Variants in SPEF2 observed in about 807,000 individuals in gnomAD.
SPEF2 encodes sperm flagellar and cilia associated 2, also known as sperm flagella and cilia-associated protein 2.
A neutral mutation model predicts 224.6 loss-of-function variants in SPEF2; 187 were observed. The observed-to-expected ratio is 0.83, with a 90% CI of 0.74 to 0.94. The LOEUF (loss-of-function observed/expected upper bound fraction) is 0.94. Among genes scored for constraint, SPEF2 ranks in the 40% least tolerant of loss-of-function variants. The pLI is 0.00. For synonymous variants in SPEF2, 715 were observed against 707.3 expected (o/e 1.01, Z -0.17); for missense variants, 2,170 against 2,135.6 (o/e 1.02, Z -0.32).
chr5:35,699,421 A>C (rs1738094757), intron 15 of SPEF2: 1 of 152,238 alleles, frequency 6.6e-6, no homozygotes, highest in Middle Eastern at 3.2e-3. Flanking sequence ...TCTAAAGAGG[A>C]CACTGTGCTG....
At chr5:35,749,850 C>T (rs1749128855) in intron 23 of SPEF2, among the ~76,000 whole-genome samples, 2 of 152,058 alleles carry the variant, frequency 1.3e-5, no homozygotes, top group African/African-American at 2.4e-5. Flanking sequence ...TTATAAAAAA[C>T]AATTCTAAAA....
rs143570295 is a variant in SPEF2, at chr5:35,631,178, A to G, written c.161+2616A>G. On this transcript the variant is annotated intron_variant, in intron 2 of 36. Coordinates refer to ENST00000356031, the MANE Select transcript of SPEF2 (RefSeq NM_024867.4). ...ACATCTTACATTGATGGTAGCAGGC[A>G]AAGAGAGAGGTTGTGCAGAGAAGCT... 4.5e-3 allele frequency among the ~76,000 whole-genome samples: 686 copies of G among 152,288 alleles called. 7 individuals are homozygous for G. Among genetic ancestry groups the G allele is most frequent in the African/African-American group, 0.015 (626 of 41,564 alleles).
chr5:35,659,996 G>A (rs919596486), intron 8 of SPEF2, among the ~76,000 whole-genome samples: 1 of 152,000 alleles, frequency 6.6e-6, no homozygotes, highest in African/African-American at 2.4e-5. Context: ...CACTGTAGTT[G>A]AGAATGGTAT....
In SPEF2 at chr5:35,704,656, A is replaced by C. The variant is rs1739372417; in HGVS notation, c.2501A>C (p.Gln834Pro). The C allele has an allele frequency of 1.9e-6, 3 of 1,591,788 alleles. No homozygotes were observed. Among genetic ancestry groups the C allele is most frequent in the Non-Finnish European group, 2.6e-6 (3 of 1,161,232 alleles). ...GACCAAAATTTAAGAGACCAGATAC[A>C]ACATAGGTTAGTTTTTAACTAAATG... ...DGDQNLRDQI[Q>P]HRIIGFLDNW... Residue 834 changes from glutamine to proline, a missense_variant, in exon 17 of 37, where the codon CAA becomes CCA. Physicochemically the swap from Gln to Pro is moderately conservative, Grantham distance 76. Transcript: ENST00000356031.
At chr5:35,670,790 TACTA>T in intron 10 of SPEF2, 1 of 981,966 alleles carries the variant, frequency 1.0e-6, no homozygotes, top group Non-Finnish European at 1.2e-6. Context: ...AATTGCCAAC[TACTA>T]ACTGTGTGAC....
chr5:35,783,045 T>G (rs770898840), intron 30 of SPEF2, among the ~76,000 whole-genome samples: 1 of 152,156 alleles, frequency 6.6e-6, no homozygotes, highest in Admixed American at 6.5e-5. Flanking sequence ...TTTAGAAGCA[T>G]AAGAACAGTA....
chr5:35,647,105 G>T (rs547425852), intron 5 of SPEF2, among the ~76,000 whole-genome samples: 1 of 152,354 alleles, frequency 6.6e-6, no homozygotes, highest in African/African-American at 2.4e-5. Context: ...GGTCAGAATG[G>T]GTGCTGTTGT....
chr5:35,715,810 T>A (rs1376967018), intron 20 of SPEF2, among the ~76,000 whole-genome samples: 1 of 85,762 alleles, frequency 1.2e-5, no homozygotes, highest in Non-Finnish European at 2.5e-5. Flanking sequence ...TAGGGGGATA[T>A]AATTTCTTTT....
intron 28 of SPEF2, 111 bp from the exon 29 acceptor site, chr5:35,776,146 G>T (rs558289647): frequency 1.9e-6 from 2 of 1,037,602 alleles, no homozygotes; most frequent in Non-Finnish European, 2.7e-6. Flanking sequence ...TATTAAACGT[G>T]CACCTAAAGC....
At chr5:35,786,131 A>G (rs1267757489) in intron 30 of SPEF2, among the ~76,000 whole-genome samples, 1 of 152,110 alleles carries the variant, frequency 6.6e-6, no homozygotes, top group Non-Finnish European at 1.5e-5. Flanking sequence ...TAACAAAAAG[A>G]GACTTTATTT....
At chr5:35,619,277 T>C (rs1377139124) in intron 1 of SPEF2, among the ~76,000 whole-genome samples, 1 of 152,258 alleles carries the variant, frequency 6.6e-6, no homozygotes, top group Non-Finnish European at 1.5e-5. Flanking sequence ...TTCTTATTCC[T>C]GTCTCACCAT....
chr5:35,807,352 G>A, intron 36 of SPEF2, 99 bp downstream of exon 36: 1 of 1,486,808 alleles, frequency 6.7e-7, no homozygotes, highest in Non-Finnish European at 9.0e-7. Context: ...GAAAGAAGCT[G>A]TACTCTGCCA....
intron 10 of SPEF2, among the ~76,000 whole-genome samples, chr5:35,689,268 C>G (rs781566468): frequency 6.6e-6 from 1 of 151,910 alleles, no homozygotes; most frequent in Non-Finnish European, 1.5e-5. Flanking sequence ...GTTATAAATC[C>G]AAATTTATTA....
intron 34 of SPEF2, among the ~76,000 whole-genome samples, chr5:35,800,526 C>T (rs1474319241): frequency 1.3e-5 from 2 of 152,206 alleles, no homozygotes; most frequent in Non-Finnish European, 2.9e-5. Flanking sequence ...GGTCTACATG[C>T]ACACCACATA....
chr5:35,661,415 A>AATATATATATATTTGTTAACAAAAT (rs1749731260), intron 8 of SPEF2, among the ~76,000 whole-genome samples: 1 of 148,716 alleles, frequency 6.7e-6, no homozygotes, highest in South Asian at 2.1e-4. Flanking sequence ...GTTAACAAAA[A>AATATATATATATTTGTTAACAAAAT]ATATATATAT....
At position 35,709,841 on chromosome 5, in the gene SPEF2, A is replaced by G. The variant is rs986495545; in HGVS notation, c.2839+720A>G. ...GTATCCATTTGTGTGTGTATATAAA[A>G]CAAATGAGGCTCTGGTTTCTAGTTT... On this transcript the variant is annotated intron_variant, in intron 19 of 36. Coordinates refer to ENST00000356031, the MANE Select transcript of SPEF2 (RefSeq NM_024867.4). 5 of 985,298 alleles carry G rather than the reference A, an allele frequency of 5.1e-6. No individual in the cohort carries two copies. The African/African-American group carries it at 5.2e-5, about 10-fold the overall frequency. The allele number at this position is 985,298 out of a possible 1,614,324, so 61.0% of individuals were successfully genotyped here. A position where few individuals can be genotyped will look rare whatever the true frequency, so the allele number is the denominator to read the frequency against.
chr5:35,635,880 A>G (rs1416163489), intron 2 of SPEF2, among the ~76,000 whole-genome samples: 1 of 152,068 alleles, frequency 6.6e-6, no homozygotes, highest in Non-Finnish European at 1.5e-5. Flanking sequence ...TTATAAACAT[A>G]GTTTCTTTTC....
intron 23 of SPEF2, among the ~76,000 whole-genome samples, chr5:35,745,811 G>A (rs1032973995): frequency 1.3e-5 from 2 of 152,162 alleles, no homozygotes; most frequent in Non-Finnish European, 2.9e-5. Flanking sequence ...CCCTCTCCAC[G>A]CTACTACAGC....
rs762164900 is a variant in SPEF2 at position 35,763,519 on chromosome 5, A to G, written c.3621-3A>G. 82 of 1,542,666 alleles carry G rather than the reference A, an allele frequency of 5.3e-5. No individual in the cohort carries two copies. The highest frequency in any genetic ancestry group is 7.0e-5 in the Non-Finnish European group (80 of 1,149,486). ...ATCCTTTTTGCTTGTTTGTTTCTCA[A>G]AGAATTCCTCTAGTTCCTCGAATAT... On this transcript the variant is annotated splice_polypyrimidine_tract_variant and splice_region_variant and intron_variant, in intron 25 of 36. Transcript: ENST00000356031.
Sources: allele counts gnomAD v4.1 joint callset (sites outside exome capture counted in the v4.1 genomes callset), GRCh38; gene constraint gnomAD v4.1.1; transcripts MANE v1.5; gene names NCBI Gene and HGNC (gene_info 2026-07-23, HGNC 2026-07-21).